The following POLN variants were observed in gnomAD, a reference collection of about 807,000 sequenced individuals.
POLN encodes DNA polymerase N.
A neutral mutation model predicts 113.5 loss-of-function variants in POLN; 108 were observed. The observed-to-expected ratio is 0.95, with a 90% confidence interval of 0.81 to 1.12. The LOEUF is 1.12. Among genes scored for constraint, POLN ranks in the 50% most tolerant of loss-of-function variants. POLN has a pLI of 0.00. For synonymous variants in POLN, 386 were observed against 391.5 expected (o/e 0.99, Z 0.17); for missense variants, 1,097 against 1,077.1 (o/e 1.02, Z -0.26).
At chr4:2,240,858 A>G in intron 2 of POLN, 2 of 1,612,934 alleles carry the variant, frequency 1.2e-6, no homozygotes, top group Non-Finnish European at 1.7e-6. Flanking sequence ...GCCCTCAAAC[A>G]ACCAGTCAAA....
chr4:2,100,681 G>A (rs116159690), intron 19 of POLN, among the ~76,000 whole-genome samples: 1 of 152,192 alleles, frequency 6.6e-6, no homozygotes, highest in African/African-American at 2.4e-5. Flanking sequence ...TAAAAAGGGC[G>A]AGTAATGAGG....
At chr4:2,238,906 C>T (rs1044621182) in intron 2 of POLN, 1 of 1,612,858 alleles carries the variant, frequency 6.2e-7, no homozygotes, top group Admixed American at 1.7e-5. Context: ...TTACCACTGG[C>T]ATATTCAATA....
Position 2,195,732 on chromosome 4 carries a change from C to T in POLN, c.909-2416G>A, listed in dbSNP as rs537658119. 2.6e-5 allele frequency among the ~76,000 whole-genome samples: 4 copies of T among 152,124 alleles called. 1 individual carries two copies. In the South Asian group the frequency reaches 8.3e-4, roughly 32 times the overall value. On this transcript the variant is annotated intron_variant, in intron 6 of 25. Coordinates refer to ENST00000511885, the MANE Select transcript of POLN (RefSeq NM_181808.4). ...CTCCAGCCTCAAGCCATCCTCCCACCTCAGCCTGAGCCACTGTTCCTAGCC... is the reference window on the plus strand; with the variant it reads ...CTCCAGCCTCAAGCCATCCTCCCACTTCAGCCTGAGCCACTGTTCCTAGCC...
chr4:2,197,412 A>G (rs1733607048), intron 6 of POLN, among the ~76,000 whole-genome samples: 1 of 152,180 alleles, frequency 6.6e-6, no homozygotes, highest in Admixed American at 6.5e-5. Flanking sequence ...AAGTAGAGAG[A>G]AGTCAGAGAT....
intron 3 of POLN, 67 bp downstream of exon 3, chr4:2,229,032 T>G (rs1162619692): frequency 6.9e-7 from 1 of 1,458,904 alleles, no homozygotes; most frequent in Admixed American, 2.0e-5. Flanking sequence ...CATTTTCAAT[T>G]CTTAGTCTTT....
At chr4:2,073,643 G>A (rs1459897332) in intron 24 of POLN, among the ~76,000 whole-genome samples, 3 of 152,230 alleles carry the variant, frequency 2.0e-5, no homozygotes, top group Non-Finnish European at 2.9e-5. Context: ...GGTGGGACCC[G>A]CAAGCTCAGG....
At chr4:2,157,752 T>G (rs1732472142) in intron 15 of POLN, 106 bp downstream of exon 15, 1 of 538,854 alleles carries the variant, frequency 1.9e-6, no homozygotes, top group Non-Finnish European at 3.0e-6. Context: ...AAAAAGAATA[T>G]TTAGACGATT....
At chr4:2,144,110 T>C (rs184695051) in intron 16 of POLN, among the ~76,000 whole-genome samples, 1 of 151,894 alleles carries the variant, frequency 6.6e-6, no homozygotes, top group Non-Finnish European at 1.5e-5. Flanking sequence ...AAGGGTCTTC[T>C]ATAAAATACA....
chr4:2,207,288 T>C (rs1225043556), intron 5 of POLN, among the ~76,000 whole-genome samples: 2 of 151,010 alleles, frequency 1.3e-5, no homozygotes, highest in Admixed American at 1.3e-4. Context: ...ATACTACAAA[T>C]TGTGTGCAGT....
chr4:2,111,588 C>T (rs1731195009), intron 19 of POLN, among the ~76,000 whole-genome samples: 2 of 152,256 alleles, frequency 1.3e-5, no homozygotes, highest in African/African-American at 4.8e-5. Flanking sequence ...CATTCTTATA[C>T]ACCAATAACA....
chr4:2,241,091 C>T, intron 2 of POLN: 1 of 615,140 alleles, frequency 1.6e-6, no homozygotes, highest in Admixed American at 3.5e-5. Context: ...ATAATGATTC[C>T]TCCTAGGGGG....
chr4:2,093,201 C>T lies in POLN; in HGVS notation c.2065+2650G>A, dbSNP rs529899291. ...CATCCATCCTGCTGGAGGACAGCTGCCCCACGGCAGGTGCTCGGCACTCTC... is the reference window on the plus strand; with the variant it reads ...CATCCATCCTGCTGGAGGACAGCTGTCCCACGGCAGGTGCTCGGCACTCTC... On this transcript the variant is annotated intron_variant, in intron 20 of 25. Coordinates refer to ENST00000511885, the MANE Select transcript of POLN (RefSeq NM_181808.4). This position sits in a 1 kb window ranked among gnomAD's most constrained non-coding sequence, Gnocchi z 4.1. Among the ~76,000 whole-genome samples the T allele has an allele frequency of 6.6e-6, 1 of 152,318 alleles. No individual in the cohort carries two copies. Among genetic ancestry groups the T allele is most frequent in the South Asian group, 2.1e-4 (1 of 4,832 alleles).
chr4:2,223,946 A>G (rs2108771160), intron 3 of POLN, among the ~76,000 whole-genome samples: 1 of 152,314 alleles, frequency 6.6e-6, no homozygotes. Flanking sequence ...GACACACTAA[A>G]TTTATTTTTA....
intron 13 of POLN, among the ~76,000 whole-genome samples, chr4:2,160,447 C>G (rs140006891): frequency 3.3e-5 from 5 of 151,866 alleles, no homozygotes; most frequent in Non-Finnish European, 7.4e-5. Context: ...TGCTCTGTTC[C>G]CCGGGCTGGA....
intron 19 of POLN, among the ~76,000 whole-genome samples, chr4:2,123,016 G>C (rs1731486774): frequency 6.6e-6 from 1 of 152,130 alleles, no homozygotes; most frequent in Middle Eastern, 3.2e-3. Context: ...AATCTAGCCA[G>C]GCATGCTGGC....
intron 7 of POLN, among the ~76,000 whole-genome samples, chr4:2,184,737 C>T (rs1733229307): frequency 1.3e-5 from 2 of 152,114 alleles, no homozygotes; most frequent in Non-Finnish European, 2.9e-5. Context: ...ACAAGATGAC[C>T]TGGAAACATC....
chr4:2,153,496 C>A (rs964551666), intron 16 of POLN, among the ~76,000 whole-genome samples: 1 of 151,940 alleles, frequency 6.6e-6, no homozygotes, highest in African/African-American at 2.4e-5. Context: ...ATGGCTATTG[C>A]GGGGATATGG....
At chr4:2,219,488 G>C (rs565464521) in intron 3 of POLN, among the ~76,000 whole-genome samples, 1 of 152,206 alleles carries the variant, frequency 6.6e-6, no homozygotes, top group East Asian at 1.9e-4. Flanking sequence ...CCCTGCTTCT[G>C]ACAGGCAGCA....
At chr4:2,151,507 A>T (rs1260948671) in intron 16 of POLN, among the ~76,000 whole-genome samples, 1 of 152,248 alleles carries the variant, frequency 6.6e-6, no homozygotes, top group African/African-American at 2.4e-5. Context: ...AAGGACGTGC[A>T]GTCAATGTGT....
Sources: allele counts gnomAD v4.1 joint callset (sites outside exome capture counted in the v4.1 genomes callset), GRCh38; gene constraint gnomAD v4.1.1; non-coding constraint Gnocchi (gnomAD v3.1); transcripts MANE v1.5; gene names NCBI Gene and HGNC (gene_info 2026-07-23, HGNC 2026-07-21).